Variants in EPHA7 observed in about 807,000 individuals in gnomAD.
The protein encoded by EPHA7 is EPH receptor A7.
Under a neutral mutation model 112.6 loss-of-function variants are expected in EPHA7, and 25 were observed. The observed-to-expected ratio is 0.22, with a 90% confidence interval of 0.16 to 0.31. The LOEUF is 0.31. Among genes scored for constraint, EPHA7 ranks in the 10% least tolerant of loss-of-function variants. EPHA7 has a pLI of 1.00. For missense variants in EPHA7, 962 were observed against 1,212.6 expected, an observed-to-expected ratio of 0.79 and a Z score of 3.07; for synonymous variants, 437 against 406.5, an observed-to-expected ratio of 1.07 and a Z score of -0.90.
intron 14 of EPHA7, among the ~76,000 whole-genome samples, chr6:93,251,507 TA>T (rs1338117893): frequency 1.1e-5 from 1 of 92,876 alleles, no homozygotes; most frequent in African/African-American, 3.0e-5. Flanking sequence ...TTTCTTATGT[TA>T]ACTATTAGGA....
chr6:93,284,459 G>T (rs1771957640), intron 5 of EPHA7, among the ~76,000 whole-genome samples: 1 of 151,932 alleles, frequency 6.6e-6, no homozygotes, highest in Admixed American at 6.5e-5. Flanking sequence ...AGCAGCAGGG[G>T]GAGAAGGAAG....
At position 93,357,100 on chromosome 6, in the gene EPHA7, A is replaced by T. The variant is rs1375674696; in HGVS notation, c.989-48T>A. 2.8e-6 allele frequency: 4 copies of T among 1,415,804 alleles called. No individual in the cohort carries two copies. In the South Asian group the frequency reaches 5.4e-5, roughly 19 times the overall value. The allele number at this position is 1,415,804 out of a possible 1,614,324, so 87.7% of individuals were successfully genotyped here. On this transcript the variant is annotated intron_variant, in intron 4 of 16. Transcript: ENST00000369303. Reference sequence around the variant, plus strand: ...AGTAAATAAGCAAAAATAGAAAAAAAAACATACAAACAAAAAGAACAAAAG... The same window carrying T: ...AGTAAATAAGCAAAAATAGAAAAAATAACATACAAACAAAAAGAACAAAAG...
chr6:93,395,015 T>C (rs1778098113), intron 3 of EPHA7, among the ~76,000 whole-genome samples: 1 of 151,902 alleles, frequency 6.6e-6, no homozygotes, highest in South Asian at 2.1e-4. Flanking sequence ...TATTTTAAAC[T>C]TTATTTTTTG....
At chr6:93,395,372 T>C (rs1778115674) in intron 3 of EPHA7, among the ~76,000 whole-genome samples, 1 of 151,860 alleles carries the variant, frequency 6.6e-6, no homozygotes, top group Non-Finnish European at 1.5e-5. Context: ...GAATCTTCTC[T>C]TTCTGTAACT....
intron 3 of EPHA7, among the ~76,000 whole-genome samples, chr6:93,376,670 T>C (rs1777074280): frequency 6.6e-6 from 1 of 152,146 alleles, no homozygotes; most frequent in Non-Finnish European, 1.5e-5. Context: ...GTAGATTGTA[T>C]GCATAAATGC....
At chr6:93,300,261 T>C (rs1263869634) in intron 5 of EPHA7, among the ~76,000 whole-genome samples, 3 of 152,206 alleles carry the variant, frequency 2.0e-5, no homozygotes, top group Admixed American at 6.5e-5. Flanking sequence ...TCAGTGATAG[T>C]TGAAATCATG....
chr6:93,372,734 G>A (rs575009757), intron 3 of EPHA7, among the ~76,000 whole-genome samples: 5 of 152,148 alleles, frequency 3.3e-5, no homozygotes, highest in African/African-American at 1.2e-4. Context: ...TCTGTTTGTT[G>A]ATGAAATGTG....
Position 93,241,228 on chromosome 6 carries a change from T to C in EPHA7, c.*2198A>G, listed in dbSNP as rs376957238. 2.8e-4 allele frequency: 60 copies of C among 218,014 alleles called. No individual in the cohort carries two copies. In the East Asian group the frequency reaches 3.7e-3, roughly 13 times the overall value. The allele number at this position is 218,014 out of a possible 1,614,324, so 13.5% of individuals were successfully genotyped here. A position where few individuals can be genotyped will look rare whatever the true frequency, so the allele number is the denominator to read the frequency against. The stretch of plus-strand genomic sequence containing the variant: ...ATTTTAATAGAAAAAATAAGCACCT[T>C]AAGCTATGAACAAGAAAAGAACTTC... On this transcript the variant is annotated 3_prime_UTR_variant, in exon 17 of 17. Coordinates refer to ENST00000369303, the MANE Select transcript of EPHA7 (RefSeq NM_004440.4).
chr6:93,363,773 T>C (rs927981170), intron 3 of EPHA7, among the ~76,000 whole-genome samples: 1 of 152,206 alleles, frequency 6.6e-6, no homozygotes, highest in Non-Finnish European at 1.5e-5. Context: ...TTAATGTTCA[T>C]AGTGGAATTA....
At chr6:93,282,686 T>A (rs1390156596) in intron 5 of EPHA7, among the ~76,000 whole-genome samples, 1 of 152,046 alleles carries the variant, frequency 6.6e-6, no homozygotes, top group East Asian at 1.9e-4. Context: ...CGCACAGCGC[T>A]TGCGGGCCAG....
intron 3 of EPHA7, among the ~76,000 whole-genome samples, chr6:93,389,807 C>T (rs938205295): frequency 2.0e-5 from 3 of 151,816 alleles, no homozygotes; most frequent in African/African-American, 7.2e-5. Flanking sequence ...TCAACAATAA[C>T]AACAAGAAGT....
intron 3 of EPHA7, among the ~76,000 whole-genome samples, chr6:93,366,471 T>A (rs1776515839): frequency 6.6e-6 from 1 of 152,214 alleles, no homozygotes; most frequent in African/African-American, 2.4e-5. Flanking sequence ...TACCTTCCAA[T>A]TGTTTTAATT....
chr6:93,390,056 G>A (rs1015570477), intron 3 of EPHA7, among the ~76,000 whole-genome samples: 1 of 151,912 alleles, frequency 6.6e-6, no homozygotes, highest in East Asian at 1.9e-4. Context: ...CTAAACTTTA[G>A]CATCAGAAAT....
intron 5 of EPHA7, among the ~76,000 whole-genome samples, chr6:93,318,714 T>C (rs1415481125): frequency 6.6e-6 from 1 of 152,080 alleles, no homozygotes; most frequent in African/African-American, 2.4e-5. Context: ...TAGAACTTCA[T>C]GTAGTTTTTA....
At chr6:93,336,261 C>G (rs140478497) in intron 5 of EPHA7, among the ~76,000 whole-genome samples, 1 of 152,078 alleles carries the variant, frequency 6.6e-6, no homozygotes, top group Non-Finnish European at 1.5e-5. Flanking sequence ...CATCAGAAAA[C>G]GAGGCAAATG....
intron 5 of EPHA7, among the ~76,000 whole-genome samples, chr6:93,310,051 C>T (rs369618542): frequency 1.3e-5 from 2 of 152,196 alleles, no homozygotes; most frequent in African/African-American, 4.8e-5. Context: ...CTAGCAAGTA[C>T]ATTTTAAAAG....
At chr6:93,379,696 C>T (rs1223788677) in intron 3 of EPHA7, among the ~76,000 whole-genome samples, 1 of 151,868 alleles carries the variant, frequency 6.6e-6, no homozygotes, top group Non-Finnish European at 1.5e-5. Flanking sequence ...GAATGAATGT[C>T]ACCATAATCA....
intron 14 of EPHA7, among the ~76,000 whole-genome samples, chr6:93,251,370 A>G (rs1333092878): frequency 1.3e-5 from 2 of 151,992 alleles, no homozygotes; most frequent in East Asian, 1.9e-4. Context: ...TTTATGTCTC[A>G]TATCTTTAAA....
At chr6:93,301,929 A>G (rs1772997426) in intron 5 of EPHA7, among the ~76,000 whole-genome samples, 1 of 152,116 alleles carries the variant, frequency 6.6e-6, no homozygotes, top group Non-Finnish European at 1.5e-5. Context: ...CATCAGCAAA[A>G]TCTTCACCAT....
Sources: allele counts gnomAD v4.1 joint callset (sites outside exome capture counted in the v4.1 genomes callset), GRCh38; gene constraint gnomAD v4.1.1; transcripts MANE v1.5; gene names NCBI Gene and HGNC (gene_info 2026-07-23, HGNC 2026-07-21).